EEF1AKMT2: variants seen among roughly 807,000 people sequenced by gnomAD.
EEF1AKMT2 encodes the protein EEF1A lysine methyltransferase 2, also known as eukaryotic translation elongation factor 1 alpha lysine methyltransferase 2.
EEF1AKMT2 carries 32 observed loss-of-function variants against 35.8 expected under a neutral mutation model. That is an observed-to-expected ratio of 0.89 (90% CI 0.67 to 1.20). The LOEUF is 1.20. Among genes scored for constraint, EEF1AKMT2 ranks in the 50% most tolerant of loss-of-function variants. The pLI is 0.00. For synonymous variants in EEF1AKMT2, 121 were observed against 133.7 expected (o/e 0.91, Z 0.65); for missense variants, 330 against 347.5 (o/e 0.95, Z 0.40).
At chr10:124,779,769 A>AAAAAAAAAAC (rs1275750539) in intron 3 of EEF1AKMT2, among the ~76,000 whole-genome samples, 1 of 138,634 alleles carries the variant, frequency 7.2e-6, no homozygotes, top group African/African-American at 2.8e-5. Flanking sequence ...AAAAAAAAAA[A>AAAAAAAAAAC]AGAAACAGAA....
rs969083970 is a variant in EEF1AKMT2, at chr10:124,760,122, T to G, written c.*381A>C. 2.8e-6 allele frequency: 1 copy of G among 352,082 alleles called. No individual in the cohort carries two copies. Among genetic ancestry groups the G allele is most frequent in the African/African-American group, 2.1e-5 (1 of 47,852 alleles). 21.8% of individuals were successfully genotyped at this position (352,082 alleles called of 1,614,324 possible). On this transcript the variant is annotated 3_prime_UTR_variant, in exon 7 of 7. Transcript: ENST00000368836. The stretch of plus-strand genomic sequence containing the variant: ...GCTTTCTATAAACTCATTTACTACT[T>G]TAAAGTTTTTAACTGTTTAGCAGTT...
intron 3 of EEF1AKMT2, 46 bp downstream of exon 3, chr10:124,788,997 T>G: frequency 7.0e-7 from 1 of 1,421,156 alleles, no homozygotes; most frequent in Non-Finnish European, 9.8e-7. Context: ...TTAAAAATTT[T>G]CCTTTTAAAA....
intron 5 of EEF1AKMT2, among the ~76,000 whole-genome samples, chr10:124,765,005 G>A (rs938816765): frequency 4.6e-5 from 7 of 152,094 alleles, no homozygotes; most frequent in South Asian, 2.1e-4. Flanking sequence ...GGGCTTATGC[G>A]ATCCTCTCAC....
chr10:124,772,460 G>C (rs1173595194), intron 4 of EEF1AKMT2, among the ~76,000 whole-genome samples: 1 of 111,608 alleles, frequency 9.0e-6, no homozygotes, highest in Non-Finnish European at 1.6e-5. Context: ...ATGGAGTCTC[G>C]CTCTGTTGCC....
intron 3 of EEF1AKMT2, among the ~76,000 whole-genome samples, chr10:124,781,660 A>T (rs1337220597): frequency 6.6e-6 from 1 of 151,336 alleles, no homozygotes; most frequent in Non-Finnish European, 1.5e-5. Context: ...AAGGTGAAAT[A>T]AAGCTATTCT....
chr10:124,771,540 G>A (rs924638244), intron 4 of EEF1AKMT2, among the ~76,000 whole-genome samples: 2 of 151,932 alleles, frequency 1.3e-5, no homozygotes, highest in Non-Finnish European at 2.9e-5. Context: ...ATCCATCACG[G>A]GCTACAGAAC....
intron 4 of EEF1AKMT2, among the ~76,000 whole-genome samples, chr10:124,768,696 G>A (rs1950401965): frequency 6.6e-6 from 1 of 152,050 alleles, no homozygotes; most frequent in Non-Finnish European, 1.5e-5. Context: ...GTTGCAGTGA[G>A]CCAGGATGGT....
intron 1 of EEF1AKMT2, among the ~76,000 whole-genome samples, chr10:124,791,284 C>A (rs1198851029): frequency 6.6e-6 from 1 of 152,116 alleles, no homozygotes; most frequent in Middle Eastern, 3.2e-3. Flanking sequence ...CTCGGGTCAT[C>A]CGCTATTCCC....
chr10:124,784,389 A>T (rs1950567021), intron 3 of EEF1AKMT2, among the ~76,000 whole-genome samples: 1 of 152,166 alleles, frequency 6.6e-6, no homozygotes, highest in South Asian at 2.1e-4. Flanking sequence ...ACTGAATAAA[A>T]ATACAACAAA....
intron 4 of EEF1AKMT2, among the ~76,000 whole-genome samples, chr10:124,767,052 T>G (rs1439496272): frequency 6.7e-6 from 1 of 148,782 alleles, no homozygotes; most frequent in Admixed American, 6.7e-5. Context: ...TCCCAGCTAC[T>G]CGGCAGGCTG....
At chr10:124,774,412 C>A (rs1375416167) in intron 4 of EEF1AKMT2, among the ~76,000 whole-genome samples, 2 of 59,642 alleles carry the variant, frequency 3.4e-5, no homozygotes, top group Admixed American at 1.9e-4. Flanking sequence ...AAAAAAAAAC[C>A]CTTTTGATCT....
At chr10:124,771,850 T>C (rs1051528269) in intron 4 of EEF1AKMT2, among the ~76,000 whole-genome samples, 2 of 152,020 alleles carry the variant, frequency 1.3e-5, no homozygotes, top group Non-Finnish European at 2.9e-5. Flanking sequence ...GCCTGGGTGA[T>C]AGAACAAGAC....
At position 124,777,698 on chromosome 10, in the gene EEF1AKMT2, T is replaced by G. The variant is rs148798688; in HGVS notation, c.292-2916A>C. Reference sequence around the variant, plus strand: ...TGCCTGGTTAATTTTTGTTTTTTTGTTTTTTGTTTTTTTTTGTAGAGACAG... The same window carrying G: ...TGCCTGGTTAATTTTTGTTTTTTTGGTTTTTGTTTTTTTTTGTAGAGACAG... On this transcript the variant is annotated intron_variant, in intron 3 of 6. Coordinates refer to ENST00000368836, the MANE Select transcript of EEF1AKMT2 (RefSeq NM_212554.4). Among the ~76,000 whole-genome samples the G allele has an allele frequency of 3.5e-4, 53 of 151,878 alleles. No individual in the cohort carries two copies. The East Asian group carries it at 8.1e-3, about 23-fold the overall frequency.
intron 4 of EEF1AKMT2, among the ~76,000 whole-genome samples, chr10:124,774,471 G>T (rs999524108): frequency 2.0e-5 from 3 of 148,578 alleles, no homozygotes; most frequent in African/African-American, 7.5e-5. Context: ...ATCAGGAGCA[G>T]TAGTGTATGA....
Position 124,789,060 on chromosome 10 carries a change from C to T in EEF1AKMT2, c.274G>A (p.Val92Ile). The T allele has an allele frequency of 6.2e-7, 1 of 1,611,152 alleles. No individual in the cohort carries two copies. Among genetic ancestry groups the T allele is most frequent in the Non-Finnish European group, 8.5e-7 (1 of 1,178,706 alleles). ...SVLDIGTGNGVFLVELAKFGF... is the reference protein window; with the variant it reads ...SVLDIGTGNGIFLVELAKFGF... ...GTACCAACAAGTTCAACCAGGAAAA[C>T]ACCATTTCCAGTTCCAATATCAAGC... Residue 92 changes from valine to isoleucine, a missense_variant, in exon 3 of 7, where the codon GTT becomes ATT. Physicochemically the swap from Val to Ile is conservative, Grantham distance 29. Coordinates refer to ENST00000368836, the MANE Select transcript of EEF1AKMT2 (RefSeq NM_212554.4).
chr10:124,773,117 G>A (rs796817789), intron 4 of EEF1AKMT2, among the ~76,000 whole-genome samples: 2 of 152,350 alleles, frequency 1.3e-5, no homozygotes, highest in African/African-American at 4.8e-5. Context: ...GATTTAGAGT[G>A]AGAGATGTGT....
chr10:124,763,806 T>C (rs565561589), intron 5 of EEF1AKMT2, among the ~76,000 whole-genome samples: 1 of 152,266 alleles, frequency 6.6e-6, no homozygotes, highest in African/African-American at 2.4e-5. Flanking sequence ...CAGTGTAACT[T>C]TGAGCATTTA....
At position 124,790,834 on chromosome 10, in the gene EEF1AKMT2, G is replaced by A. The variant is rs377491431; in HGVS notation, c.111-496C>T. ...GGCTGGAGTGCAGTGGCGCGATCTCGGCTCACTGCAACCTCCGCCTCCCGG... is the reference window on the plus strand; with the variant it reads ...GGCTGGAGTGCAGTGGCGCGATCTCAGCTCACTGCAACCTCCGCCTCCCGG... On this transcript the variant is annotated intron_variant, in intron 1 of 6. Coordinates refer to ENST00000368836, the MANE Select transcript of EEF1AKMT2 (RefSeq NM_212554.4). Among the ~76,000 whole-genome samples the A allele has an allele frequency of 1.6e-4, 25 of 152,042 alleles. 1 individual carries two copies. Among genetic ancestry groups the A allele is most frequent in the Admixed American group, 1.3e-3 (20 of 15,254 alleles).
At position 124,759,889 on chromosome 10, in the gene EEF1AKMT2, T is replaced by C. The variant is rs1478238528; in HGVS notation, c.*614A>G. The C allele has an allele frequency of 6.6e-6, 1 of 152,510 alleles. No individual in the cohort carries two copies. Among genetic ancestry groups the C allele is most frequent in the Non-Finnish European group, 1.5e-5 (1 of 68,246 alleles). 9.4% of individuals were successfully genotyped at this position (152,510 alleles called of 1,614,324 possible). A position where few individuals can be genotyped will look rare whatever the true frequency, so the allele number is the denominator to read the frequency against. On this transcript the variant is annotated 3_prime_UTR_variant, in exon 7 of 7. Transcript: ENST00000368836. ...CTCTGATTTTGTTTAATTATATACA[T>C]AAAGGTAAGAGGCCTTTTCACAGGT...
Sources: gnomAD v4.1 joint callset for allele counts (sites outside exome capture counted in the v4.1 genomes callset) on GRCh38, gnomAD v4.1.1 for gene constraint, MANE v1.5 for transcripts, NCBI Gene and HGNC (gene_info 2026-07-23, HGNC 2026-07-21) for gene names.